CCDC169: variants seen among roughly 807,000 people sequenced by gnomAD.
CCDC169 encodes coiled-coil domain-containing protein 169.
Under a neutral mutation model 36.0 loss-of-function variants are expected in CCDC169, and 30 were observed. The observed-to-expected ratio is 0.83, with a 90% CI of 0.62 to 1.13. CCDC169 has a LOEUF of 1.13. Ranked by LOEUF, CCDC169 falls within the 50% of genes most tolerant of loss-of-function variation. The probability of loss-of-function intolerance (pLI) is 0.00; values close to 1 mark genes in which losing one functional copy is unlikely to be tolerated. For missense variants in CCDC169, 245 were observed against 245.9 expected, an observed-to-expected ratio of 1.00 and a Z score of 0.03; for synonymous variants, 85 against 81.5, an observed-to-expected ratio of 1.04 and a Z score of -0.23.
intron 4 of CCDC169, chr13:36,274,648 G>A (rs1876531287): frequency 6.6e-6 from 1 of 152,022 alleles, no homozygotes; most frequent in South Asian, 2.1e-4. Context: ...TTTTGTTTCT[G>A]ACACTAATAA....
chr13:36,227,284 A>G, downstream of CCDC169: 1 of 1,551,572 alleles, frequency 6.4e-7, no homozygotes, highest in East Asian at 2.4e-5. Flanking sequence ...TGTCCGAGGC[A>G]TGTCCTATTC....
intron 2 of CCDC169, among the ~76,000 whole-genome samples, chr13:36,284,060 T>C (rs1303442986): frequency 1.3e-5 from 2 of 151,948 alleles, no homozygotes; most frequent in African/African-American, 4.8e-5. Context: ...GAAATACCCA[T>C]ATATATAATA....
At chr13:36,282,745 T>G (rs1446080218) in intron 4 of CCDC169, 1 of 163,494 alleles carries the variant, frequency 6.1e-6, no homozygotes, top group Non-Finnish European at 1.3e-5. Flanking sequence ...AATAAATGTA[T>G]TTTTTCCAAC....
chr13:36,262,643 T>C (rs1874741835), intron 4 of CCDC169, among the ~76,000 whole-genome samples: 1 of 152,158 alleles, frequency 6.6e-6, no homozygotes, highest in Non-Finnish European at 1.5e-5. Context: ...GGGGTGAAGA[T>C]TGGTATATAC....
At chr13:36,284,145 AATAC>A (rs1264627488) in intron 2 of CCDC169, among the ~76,000 whole-genome samples, 19 of 151,516 alleles carry the variant, frequency 1.3e-4, no homozygotes, top group Non-Finnish European at 2.5e-4. Context: ...GGAAACTTGA[AATAC>A]ATATTTATAT....
intron 4 of CCDC169, among the ~76,000 whole-genome samples, chr13:36,269,209 T>C (rs1359252168): frequency 6.6e-6 from 1 of 152,102 alleles, no homozygotes; most frequent in Non-Finnish European, 1.5e-5. Context: ...ACAACCCTCC[T>C]AGGTTAAATC....
intron 4 of CCDC169, among the ~76,000 whole-genome samples, chr13:36,278,832 T>A (rs1344209318): frequency 1.3e-5 from 2 of 152,144 alleles, no homozygotes; most frequent in Non-Finnish European, 2.9e-5. Flanking sequence ...CAACTTTCCA[T>A]AATCCAAAAC....
chr13:36,246,270 G>A (rs1872496670), intron 7 of CCDC169, among the ~76,000 whole-genome samples: 1 of 152,218 alleles, frequency 6.6e-6, no homozygotes, highest in Non-Finnish European at 1.5e-5. Flanking sequence ...CTGAAAGCTA[G>A]GCCTCTTGTG....
At chr13:36,285,648 T>TA (rs1368768919) in intron 2 of CCDC169, among the ~76,000 whole-genome samples, 1 of 152,192 alleles carries the variant, frequency 6.6e-6, no homozygotes, top group African/African-American at 2.4e-5. Context: ...CATAGATACA[T>TA]AGATAGATAG....
At chr13:36,264,363 G>A (rs1339099396) in intron 4 of CCDC169, among the ~76,000 whole-genome samples, 1 of 152,062 alleles carries the variant, frequency 6.6e-6, no homozygotes, top group Non-Finnish European at 1.5e-5. Flanking sequence ...ACTGGTCACA[G>A]GCTTGAATCA....
rs2138565697 is a variant in CCDC169, at chr13:36,272,469, A to G, written c.315+11000T>C. On this transcript the variant is annotated intron_variant, in intron 4 of 7. Coordinates refer to ENST00000239859, the MANE Select transcript of CCDC169 (RefSeq NM_001144981.3). ...GCCCAGCACCTAGGGTCCTCAATTA[A>G]CCTTCCTGTCCTGGGAAGTCTGTGA... Among the ~76,000 whole-genome samples, 2 of 152,254 alleles carry G rather than the reference A, an allele frequency of 1.3e-5. 1 individual carries two copies. The highest frequency in any genetic ancestry group is 4.2e-4 in the South Asian group (2 of 4,818).
At position 36,249,281 on chromosome 13, in the gene CCDC169, A is replaced by T. The variant is rs137911561; in HGVS notation, c.469-599T>A. 1.3e-3 allele frequency among the ~76,000 whole-genome samples: 204 copies of T among 152,342 alleles called. 1 individual carries two copies. The highest frequency in any genetic ancestry group is 4.7e-3 in the African/African-American group (195 of 41,584). ...AATACAAACTGAGAAAGCAACTTTTAAAGGATAGGACAATTACCAAAGATA... is the reference window on the plus strand; with the variant it reads ...AATACAAACTGAGAAAGCAACTTTTTAAGGATAGGACAATTACCAAAGATA... On this transcript the variant is annotated intron_variant, in intron 6 of 7. Coordinates refer to ENST00000239859, the MANE Select transcript of CCDC169 (RefSeq NM_001144981.3).
At chr13:36,269,879 G>A (rs1176038801) in intron 4 of CCDC169, among the ~76,000 whole-genome samples, 5 of 152,220 alleles carry the variant, frequency 3.3e-5, no homozygotes, top group East Asian at 3.9e-4. Context: ...CAAGGCTGCC[G>A]ACATGCACCA....
At chr13:36,282,691 G>A (rs2138608835) in intron 4 of CCDC169, 1 of 234,290 alleles carries the variant, frequency 4.3e-6, no homozygotes, top group African/African-American at 2.3e-5. Context: ...AAATCTCTTA[G>A]AGAACCACAT....
At chr13:36,273,871 C>A (rs866404249) in intron 4 of CCDC169, among the ~76,000 whole-genome samples, 10 of 152,218 alleles carry the variant, frequency 6.6e-5, no homozygotes, top group South Asian at 6.2e-4. Context: ...GCTTTAACAC[C>A]TTGGTTTCTT....
chr13:36,228,093 G>T (rs920411091), downstream of CCDC169, among the ~76,000 whole-genome samples: 1 of 151,984 alleles, frequency 6.6e-6, no homozygotes, highest in African/African-American at 2.4e-5. Context: ...GAGTTGTTTC[G>T]ACTTCTTGAC....
At chr13:36,250,379 A>T (rs923700474) in intron 6 of CCDC169, among the ~76,000 whole-genome samples, 4 of 152,160 alleles carry the variant, frequency 2.6e-5, no homozygotes, top group African/African-American at 4.8e-5. Flanking sequence ...CTTTGCTGTG[A>T]TCCTCTGGGT....
intron 4 of CCDC169, among the ~76,000 whole-genome samples, chr13:36,260,739 GATAA>G (rs1874506947): frequency 1.3e-5 from 2 of 152,104 alleles, no homozygotes; most frequent in South Asian, 4.1e-4. Flanking sequence ...TCTTTGGCTT[GATAA>G]ATAATCTCCT....
chr13:36,274,643 T>C (rs547535012), intron 4 of CCDC169: 1 of 152,300 alleles, frequency 6.6e-6, no homozygotes, highest in Admixed American at 6.5e-5. Flanking sequence ...TTTTGTTTTG[T>C]TTCTGACACT....
Sources: allele counts gnomAD v4.1 joint callset (sites outside exome capture counted in the v4.1 genomes callset), GRCh38; gene constraint gnomAD v4.1.1; transcripts MANE v1.5; gene names NCBI Gene and HGNC (gene_info 2026-07-23, HGNC 2026-07-21).